Variants in RARB observed in about 807,000 individuals in gnomAD.
RARB encodes HBV-activated protein.
Under a neutral mutation model 51.9 loss-of-function variants are expected in RARB, and 17 were observed. The observed-to-expected ratio is 0.33, with a 90% CI of 0.22 to 0.49. The LOEUF (loss-of-function observed/expected upper bound fraction) is 0.49, where lower values mean the gene tolerates loss of function less well. Ranked by LOEUF, RARB falls within the 20% of genes least tolerant of loss-of-function variation. The pLI is 0.99. For synonymous variants in RARB, 215 were observed against 195.4 expected (o/e 1.10, Z -0.84); for missense variants, 369 against 550.8 (o/e 0.67, Z 3.30).
chr3:25,513,045 T>C (rs932466729), intron 3 of RARB, among the ~76,000 whole-genome samples: 1 of 151,466 alleles, frequency 6.6e-6, no homozygotes, highest in Non-Finnish European at 1.5e-5. Context: ...ATCCCAGCAC[T>C]TTGGGAGGTG....
At chr3:25,332,496 C>T (rs1704932526) in intron 5 of RARB, among the ~76,000 whole-genome samples, 1 of 152,190 alleles carries the variant, frequency 6.6e-6, no homozygotes, top group Non-Finnish European at 1.5e-5. Context: ...TAAAAACTCT[C>T]AATAAACTAG....
chr3:24,940,439 T>C (rs747154321), intron 2 of RARB, among the ~76,000 whole-genome samples: 1 of 112,850 alleles, frequency 8.9e-6, no homozygotes, highest in Middle Eastern at 4.3e-3. Flanking sequence ...ATTTCCTCTT[T>C]TTACAACAAG....
chr3:24,903,662 A>C (rs1694774969), intron 2 of RARB, among the ~76,000 whole-genome samples: 1 of 152,142 alleles, frequency 6.6e-6, no homozygotes, highest in African/African-American at 2.4e-5. Flanking sequence ...AATACCCAGC[A>C]TGGTGTCTTT....
intron 5 of RARB, among the ~76,000 whole-genome samples, chr3:25,264,616 C>T (rs891098891): frequency 2.6e-5 from 4 of 152,148 alleles, no homozygotes; most frequent in Admixed American, 2.0e-4. Flanking sequence ...CAGACACTAA[C>T]ATTTATTAAT....
intron 2 of RARB, among the ~76,000 whole-genome samples, chr3:24,903,188 A>AT (rs763740198): frequency 1.2e-4 from 19 of 152,242 alleles, no homozygotes; most frequent in East Asian, 7.7e-4. Context: ...ACTTGAAGTG[A>AT]TTTTTTATCT....
intron 5 of RARB, among the ~76,000 whole-genome samples, chr3:25,175,057 C>G (rs1235161071): frequency 2.6e-5 from 4 of 152,168 alleles, no homozygotes; most frequent in Non-Finnish European, 4.4e-5. Flanking sequence ...GCTACCAATT[C>G]ATATCACATT....
intron 2 of RARB, among the ~76,000 whole-genome samples, chr3:24,934,081 A>C (rs1695497670): frequency 1.3e-5 from 2 of 152,124 alleles, no homozygotes. Flanking sequence ...CGTGATGATA[A>C]ATAACAGAGC....
At chr3:24,917,187 G>A (rs1395227672) in intron 2 of RARB, among the ~76,000 whole-genome samples, 1 of 151,986 alleles carries the variant, frequency 6.6e-6, no homozygotes, top group Admixed American at 6.6e-5. Context: ...TCTTACCCTT[G>A]CCATATGCAA....
In RARB at chr3:25,520,748, G is replaced by A. The variant is rs1230864736; in HGVS notation, c.448+19425G>A. On this transcript the variant is annotated intron_variant, in intron 3 of 7. Transcript: ENST00000330688. Reference sequence around the variant, plus strand: ...TCATATAAAACCTCACTCATTTATAGCCACACATGATATATAGTGAAATGC... The same window carrying A: ...TCATATAAAACCTCACTCATTTATAACCACACATGATATATAGTGAAATGC... 4.6e-5 allele frequency among the ~76,000 whole-genome samples: 7 copies of A among 152,130 alleles called. 1 individual carries two copies. Among genetic ancestry groups the A allele is most frequent in the Non-Finnish European group, 8.8e-5 (6 of 68,030 alleles).
At chr3:25,594,783 G>A in intron 7 of RARB, 105 bp downstream of exon 7, 1 of 1,022,248 alleles carries the variant, frequency 9.8e-7, no homozygotes, top group Non-Finnish European at 1.3e-6. Context: ...TGCTTTTAAA[G>A]TCTTGGAACT....
intron 3 of RARB, among the ~76,000 whole-genome samples, chr3:25,516,328 G>C (rs1441833689): frequency 6.6e-6 from 1 of 152,172 alleles, no homozygotes; most frequent in Non-Finnish European, 1.5e-5. Context: ...ATTATCAGTA[G>C]TGGCAGTATG....
At chr3:25,230,534 T>C (rs997882844) in intron 5 of RARB, among the ~76,000 whole-genome samples, 1 of 152,084 alleles carries the variant, frequency 6.6e-6, no homozygotes, top group African/African-American at 2.4e-5. Flanking sequence ...GTAGGTTATA[T>C]TTTCCCACTG....
chr3:25,091,460 C>T (rs1575156302), intron 3 of RARB, among the ~76,000 whole-genome samples: 1 of 152,282 alleles, frequency 6.6e-6, no homozygotes, highest in Admixed American at 6.5e-5. Context: ...ATAGCGGCTT[C>T]TGAACTAAAC....
chr3:25,522,383 C>A (rs903673114), intron 3 of RARB, among the ~76,000 whole-genome samples: 1 of 152,072 alleles, frequency 6.6e-6, no homozygotes, highest in African/African-American at 2.4e-5. Context: ...GAGTAGGTGG[C>A]AATATACACC....
chr3:25,451,279 T>A (rs1259036722), intron 1 of RARB, among the ~76,000 whole-genome samples: 1 of 152,220 alleles, frequency 6.6e-6, no homozygotes, highest in African/African-American at 2.4e-5. Context: ...ATCTGCATTT[T>A]CAGCAAAGAA....
chr3:25,344,234 C>G (rs950573168), intron 5 of RARB, among the ~76,000 whole-genome samples: 1 of 152,126 alleles, frequency 6.6e-6, no homozygotes, highest in Non-Finnish European at 1.5e-5. Flanking sequence ...TGAGTTATTT[C>G]AAGAAGATAG....
chr3:25,017,339 A>G (rs756091218), intron 2 of RARB, among the ~76,000 whole-genome samples: 2 of 151,284 alleles, frequency 1.3e-5, no homozygotes, highest in African/African-American at 2.4e-5. Flanking sequence ...AACCCAGTCT[A>G]TGTCTTCTCA....
chr3:25,165,457 G>A (rs1700546858), intron 4 of RARB, among the ~76,000 whole-genome samples: 1 of 152,022 alleles, frequency 6.6e-6, no homozygotes, highest in Non-Finnish European at 1.5e-5. Flanking sequence ...ACTCCCACTG[G>A]GCACACTACT....
chr3:25,038,491 T>C (rs1016653818), intron 2 of RARB, among the ~76,000 whole-genome samples: 5 of 152,136 alleles, frequency 3.3e-5, no homozygotes, highest in Non-Finnish European at 7.4e-5. Context: ...CCACACATTG[T>C]TAGAGCTGTA....
Sources: allele counts gnomAD v4.1 joint callset (sites outside exome capture counted in the v4.1 genomes callset), GRCh38; gene constraint gnomAD v4.1.1; transcripts MANE v1.5; gene names NCBI Gene and HGNC (gene_info 2026-07-23, HGNC 2026-07-21).